MYLK: variants seen among roughly 807,000 people sequenced by gnomAD.
The protein encoded by MYLK is myosin light chain kinase, also known as myosin light chain kinase, smooth muscle.
In MYLK, 106 loss-of-function variants were observed where a neutral mutation model predicts 203.4. The ratio of observed to expected loss-of-function variants is 0.52; its 90% confidence interval spans 0.45 to 0.61. The LOEUF is 0.61. Ranked by LOEUF, MYLK falls within the 20% of genes least tolerant of loss-of-function variation. The pLI, the probability that MYLK is intolerant of heterozygous loss-of-function variation, is 0.00. For synonymous variants in MYLK, 867 were observed against 959.5 expected (o/e 0.90, Z 1.78); for missense variants, 2,072 against 2,442.3 (o/e 0.85, Z 3.20).
At chr3:123,741,486 G>A (rs2062854026) in intron 5 of MYLK, among the ~76,000 whole-genome samples, 1 of 152,186 alleles carries the variant, frequency 6.6e-6, no homozygotes, top group African/African-American at 2.4e-5. Context: ...TAAAAGGAGA[G>A]ACTTGTTTTG....
At chr3:123,676,321 G>A (rs1054436503) in intron 20 of MYLK, among the ~76,000 whole-genome samples, 8 of 152,196 alleles carry the variant, frequency 5.3e-5, no homozygotes, top group East Asian at 1.9e-4. Context: ...AAATAGCCCA[G>A]CCTCTCTCCC....
Position 123,811,384 on chromosome 3 carries a change from T to C in MYLK, c.-3-17540A>G, listed in dbSNP as rs550147302. Among the ~76,000 whole-genome samples, 302 of 152,236 alleles carry C rather than the reference T, an allele frequency of 2.0e-3. 2 individuals carry two copies. The South Asian group carries it at 0.023, about 12-fold the overall frequency. ...GCTCAGGGATCATGGGCCTTGAGGA[T>C]ATGAGGCTCAACTTCCAATAGGGAA... On this transcript the variant is annotated intron_variant, in intron 3 of 33. Transcript: ENST00000360304.
At chr3:123,658,295 T>C (rs553844950) in intron 23 of MYLK, among the ~76,000 whole-genome samples, 1 of 152,216 alleles carries the variant, frequency 6.6e-6, no homozygotes, top group Non-Finnish European at 1.5e-5. Flanking sequence ...AAATAAGAAG[T>C]GGCCCTTTTG....
chr3:123,728,776 C>T (rs2062381728), intron 11 of MYLK, among the ~76,000 whole-genome samples: 1 of 152,144 alleles, frequency 6.6e-6, no homozygotes, highest in Admixed American at 6.5e-5. Context: ...TCCTGAAAAA[C>T]CCCATGCGTA....
chr3:123,641,693 T>TCTTC (rs1013656111), intron 27 of MYLK, among the ~76,000 whole-genome samples: 17 of 147,300 alleles, frequency 1.2e-4, no homozygotes, highest in Non-Finnish European at 1.3e-4. Context: ...AACCTACCTA[T>TCTTC]CTTCCTTCCT....
chr3:123,795,668 T>C (rs2064959335), intron 3 of MYLK, among the ~76,000 whole-genome samples: 1 of 152,230 alleles, frequency 6.6e-6, no homozygotes, highest in South Asian at 2.1e-4. Flanking sequence ...AAAGTGTCCC[T>C]GTCCCAGGTT....
At chr3:123,768,857 C>T (rs1429417630) in intron 4 of MYLK, among the ~76,000 whole-genome samples, 1 of 152,170 alleles carries the variant, frequency 6.6e-6, no homozygotes, top group Non-Finnish European at 1.5e-5. Context: ...GCTGGCAGAG[C>T]CAAGCGAGGA....
intron 2 of MYLK, among the ~76,000 whole-genome samples, chr3:123,839,803 A>C (rs919831294): frequency 5.3e-5 from 8 of 152,212 alleles, no homozygotes; most frequent in Non-Finnish European, 1.0e-4. Context: ...TGGGCTACTA[A>C]ACAAACCTGA....
intron 5 of MYLK, among the ~76,000 whole-genome samples, chr3:123,747,155 T>C (rs1048310013): frequency 4.6e-5 from 7 of 152,140 alleles, no homozygotes; most frequent in Non-Finnish European, 2.9e-5. Context: ...ACAGGAGCAT[T>C]TCCTACGAAT....
intron 4 of MYLK, among the ~76,000 whole-genome samples, chr3:123,766,429 G>A (rs1231273816): frequency 2.6e-5 from 4 of 152,240 alleles, no homozygotes; most frequent in Non-Finnish European, 5.9e-5. Flanking sequence ...ATGGGAGCAC[G>A]GAGGAGGGTG....
Position 123,872,746 on chromosome 3 carries a change from T to A in MYLK, c.-127+3813A>T, listed in dbSNP as rs554180008. Among the ~76,000 whole-genome samples the A allele has an allele frequency of 2.0e-5, 3 of 152,312 alleles. No homozygotes were observed. The South Asian group carries it at 6.2e-4, about 32-fold the overall frequency. ...TGCCAGCACCTTGCCAGCATCTCAG[T>A]GTGCTTAGTCAATTCCAAAGCTCTC... On this transcript the variant is annotated intron_variant, in intron 2 of 33. Coordinates refer to ENST00000360304, the MANE Select transcript of MYLK (RefSeq NM_053025.4).
At chr3:123,732,781 C>A in intron 11 of MYLK, 115 bp downstream of exon 11, 1 of 1,009,312 alleles carries the variant, frequency 9.9e-7, no homozygotes, top group Non-Finnish European at 1.5e-6. Flanking sequence ...ACATTTCTGT[C>A]GGGCTGTGCA....
At chr3:123,854,682 A>G (rs2031190303) in intron 2 of MYLK, among the ~76,000 whole-genome samples, 1 of 152,194 alleles carries the variant, frequency 6.6e-6, no homozygotes, top group African/African-American at 2.4e-5. Context: ...GGATCAATAG[A>G]AGCCCAAACC....
chr3:123,629,382 G>T lies in MYLK; in HGVS notation c.5114+92C>A. 1 of 1,507,918 alleles carries T rather than the reference G, an allele frequency of 6.6e-7. No homozygotes were observed. Among genetic ancestry groups the T allele is most frequent in the East Asian group, 2.3e-5 (1 of 43,902 alleles). 93.4% of individuals were successfully genotyped at this position (1,507,918 alleles called of 1,614,324 possible). Reference sequence around the variant, plus strand: ...GGAACGACCCAAGGCGGGGTGGCAAGGAGGGCACCCCAACAGGCAAAGGAA... The same window carrying T: ...GGAACGACCCAAGGCGGGGTGGCAATGAGGGCACCCCAACAGGCAAAGGAA... On this transcript the variant is annotated intron_variant, in intron 30 of 33. Transcript: ENST00000360304. The surrounding 1 kb of genome is among the most constrained non-coding windows in gnomAD (Gnocchi z 4.4).
rs933891534 is a variant in MYLK, at chr3:123,613,118, T to C, written c.*987A>G. The C allele has an allele frequency of 1.3e-5, 2 of 152,294 alleles. No homozygotes were observed. The highest frequency in any genetic ancestry group is 2.4e-5 in the African/African-American group (1 of 41,470). The allele number at this position is 152,294 out of a possible 1,614,324, so 9.4% of individuals were successfully genotyped here. A position where few individuals can be genotyped will look rare whatever the true frequency, so the allele number is the denominator to read the frequency against. ...TGTTGAGAATGAAGATGTATTAAACTCTGGCTATCTTGGAGGAGATTCCAA... is the reference window on the plus strand; with the variant it reads ...TGTTGAGAATGAAGATGTATTAAACCCTGGCTATCTTGGAGGAGATTCCAA... On this transcript the variant is annotated 3_prime_UTR_variant, in exon 34 of 34. Transcript: ENST00000360304.
At chr3:123,740,064 AG>A in intron 5 of MYLK, 63 bp from the exon 6 acceptor site, 1 of 1,542,100 alleles carries the variant, frequency 6.5e-7, no homozygotes. Context: ...GAAAGTAAAA[AG>A]ATTCAACAGC....
intron 1 of MYLK, among the ~76,000 whole-genome samples, chr3:123,877,745 T>G (rs2033254737): frequency 6.6e-6 from 1 of 152,198 alleles, no homozygotes; most frequent in Non-Finnish European, 1.5e-5. Flanking sequence ...CATACTCGTT[T>G]CCACAAGATC....
Position 123,684,342 on chromosome 3 carries a change from G to A in MYLK, c.3566-2032C>T, listed in dbSNP as rs147333301. Among the ~76,000 whole-genome samples, 558 of 152,256 alleles carry A rather than the reference G, an allele frequency of 3.7e-3. 3 individuals carry two copies. Among genetic ancestry groups the A allele is most frequent in the African/African-American group, 0.013 (531 of 41,548 alleles). ...AAGCACAGGGAGTGCGCAGGGAGTG[G>A]CTCCAGGACTATTCCAAGAGGCAGA... is the stretch of plus-strand genomic sequence containing the variant. On this transcript the variant is annotated intron_variant, in intron 19 of 33. Transcript: ENST00000360304.
intron 4 of MYLK, among the ~76,000 whole-genome samples, chr3:123,784,242 G>T (rs1380678188): frequency 6.6e-6 from 1 of 152,152 alleles, no homozygotes; most frequent in African/African-American, 2.4e-5. Flanking sequence ...GCTCTCATTT[G>T]TAAAGAAAAG....
Sources: allele counts gnomAD v4.1 joint callset (sites outside exome capture counted in the v4.1 genomes callset), GRCh38; gene constraint gnomAD v4.1.1; non-coding constraint Gnocchi (gnomAD v3.1); transcripts MANE v1.5; gene names NCBI Gene and HGNC (gene_info 2026-07-23, HGNC 2026-07-21).